The following RHOQ variants were observed in gnomAD, a reference collection of about 807,000 sequenced individuals.
The protein encoded by RHOQ is rho-related GTP-binding protein RhoQ.
A neutral mutation model predicts 25.8 loss-of-function variants in RHOQ; 7 were observed. The ratio of observed to expected loss-of-function variants is 0.27; its 90% CI spans 0.15 to 0.51. The LOEUF (loss-of-function observed/expected upper bound fraction) is 0.51. Among genes scored for constraint, RHOQ ranks in the 20% least tolerant of loss-of-function variants. The probability of loss-of-function intolerance (pLI) is 0.97; values close to 1 mark genes in which losing one functional copy is unlikely to be tolerated. For missense variants in RHOQ, 165 were observed against 260.6 expected, an observed-to-expected ratio of 0.63 and a Z score of 2.53; for synonymous variants, 97 against 98.6, an observed-to-expected ratio of 0.98 and a Z score of 0.10.
In RHOQ at chr2:46,578,388, A is replaced by G. The variant is rs143188360; in HGVS notation, c.462+1732A>G. ...GATGTTGGTCAAAGTGTACAGTGTT[A>G]GGAGGAATACATTTTTTGAGATAAC... On this transcript the variant is annotated intron_variant, in intron 4 of 4. Coordinates refer to ENST00000238738, the MANE Select transcript of RHOQ (RefSeq NM_012249.4). Among the ~76,000 whole-genome samples, 34 of 151,864 alleles carry G rather than the reference A, an allele frequency of 2.2e-4. 1 individual carries two copies. The highest frequency in any genetic ancestry group is 7.7e-4 in the African/African-American group (32 of 41,406).
At chr2:46,545,641 T>A (rs962094703) in intron 2 of RHOQ, among the ~76,000 whole-genome samples, 3 of 152,188 alleles carry the variant, frequency 2.0e-5, no homozygotes, top group African/African-American at 7.2e-5. Flanking sequence ...TGAGGGGTGT[T>A]GCTAGGATTG....
chr2:46,558,188 C>A lies in RHOQ; in HGVS notation c.201+14376C>A, dbSNP rs541407259. 3.9e-5 allele frequency among the ~76,000 whole-genome samples: 6 copies of A among 152,274 alleles called. No individual in the cohort carries two copies. In the South Asian group the frequency reaches 1.2e-3, roughly 32 times the overall value. On this transcript the variant is annotated intron_variant, in intron 2 of 4. Transcript: ENST00000238738. ...GCTGTAGCTGGGCTGGTGCCTCTTG[C>A]CTGCTGCACAGCTGTTATCCTGGGA...
In RHOQ at chr2:46,581,866, T is replaced by G. The variant is rs925143788; in HGVS notation, c.*783T>G. ...ACATGCTAAAATTACAAATTAAAAT[T>G]TTGGGTCAGACTTTGCCATAATGAT... On this transcript the variant is annotated 3_prime_UTR_variant, in exon 5 of 5. Transcript: ENST00000238738. 32 of 295,432 alleles carry G rather than the reference T, an allele frequency of 1.1e-4. No homozygotes were observed. The highest frequency in any genetic ancestry group is 1.7e-4 in the Non-Finnish European group (28 of 160,600). The allele number at this position is 295,432 out of a possible 1,614,324, so 18.3% of individuals were successfully genotyped here.
rs1042927553 is a variant in RHOQ, at chr2:46,584,578, T to A, written c.*3495T>A. On this transcript the variant is annotated 3_prime_UTR_variant, in exon 5 of 5. Coordinates refer to ENST00000238738, the MANE Select transcript of RHOQ (RefSeq NM_012249.4). The stretch of plus-strand genomic sequence containing the variant: ...TGCCAAAAATGAAATGTTAAAAAAT[T>A]TTGTCTAATGAAGGGTTACGGCTTG... Among the ~76,000 whole-genome samples, 18 of 152,190 alleles carry A rather than the reference T, an allele frequency of 1.2e-4. No individual in the cohort carries two copies. Among genetic ancestry groups the A allele is most frequent in the African/African-American group, 4.3e-4 (18 of 41,532 alleles).
At position 46,576,601 on chromosome 2, in the gene RHOQ, A is replaced by G. The variant is rs1223118092; in HGVS notation, c.407A>G (p.Asn136Ser). 3 of 1,611,492 alleles carry G rather than the reference A, an allele frequency of 1.9e-6. No individual in the cohort carries two copies. The highest frequency in any genetic ancestry group is 1.1e-5 in the South Asian group (1 of 90,696). Residue 136 changes from asparagine to serine, a missense_variant, in exon 4 of 5, where the codon AAT becomes AGT. Asn to Ser is a conservative substitution (Grantham distance 46, BLOSUM62 1). Coordinates refer to ENST00000238738, the MANE Select transcript of RHOQ (RefSeq NM_012249.4). The surrounding 1 kb of genome is among the most constrained non-coding windows in gnomAD (Gnocchi z 5.1). The part of the protein sequence containing the change: ...RDDPKTLARL[N>S]DMKEKPICVE... The stretch of plus-strand genomic sequence containing the variant: ...GACCCCAAAACTTTAGCAAGACTGA[A>G]TGATATGAAAGAAAAACCTATATGT...
chr2:46,543,286 C>T, intron 1 of RHOQ, 98 bp downstream of exon 1: 1 of 1,367,386 alleles, frequency 7.3e-7, no homozygotes, highest in Non-Finnish European at 1.0e-6. Context: ...AGAGCGCACT[C>T]CTCTCCCCTC....
At chr2:46,543,378 C>T in intron 1 of RHOQ, 190 bp downstream of exon 1, 1 of 629,034 alleles carries the variant, frequency 1.6e-6, no homozygotes, top group East Asian at 2.9e-5. Flanking sequence ...GATCCACCCC[C>T]TCTCCCACCC....
At position 46,566,670 on chromosome 2, in the gene RHOQ, C is replaced by T. The variant is rs1219298254; in HGVS notation, c.202-9417C>T. On this transcript the variant is annotated intron_variant, in intron 2 of 4. Transcript: ENST00000238738. The surrounding 1 kb of genome is among the most constrained non-coding windows in gnomAD (Gnocchi z 4.2). ...AATGACTTTCCATTGCAGGTGGGCC[C>T]TGCAGAGGGGTCCAAGCTGACTCCC... is the stretch of plus-strand genomic sequence containing the variant. Among the ~76,000 whole-genome samples the T allele has an allele frequency of 2.0e-5, 3 of 152,136 alleles. No homozygotes were observed. The highest frequency in any genetic ancestry group is 7.2e-5 in the African/African-American group (3 of 41,430).
At position 46,554,622 on chromosome 2, in the gene RHOQ, C is replaced by G. The variant is rs139026056; in HGVS notation, c.201+10810C>G. On this transcript the variant is annotated intron_variant, in intron 2 of 4. Transcript: ENST00000238738. The stretch of plus-strand genomic sequence containing the variant: ...GACGTCCTTTCTGTGTTAACATTCC[C>G]CAGGCGGGTCACAAGGAGTGGCTGA... Among the ~76,000 whole-genome samples, 8 of 152,204 alleles carry G rather than the reference C, an allele frequency of 5.3e-5. No homozygotes were observed. The East Asian group carries it at 1.5e-3, about 29-fold the overall frequency.
chr2:46,557,803 A>C (rs571822926), intron 2 of RHOQ, among the ~76,000 whole-genome samples: 1 of 152,214 alleles, frequency 6.6e-6, no homozygotes, highest in South Asian at 2.1e-4. Flanking sequence ...TTTGATAACA[A>C]ATATTCTCTG....
intron 2 of RHOQ, among the ~76,000 whole-genome samples, chr2:46,559,950 T>C (rs1668522305): frequency 6.6e-6 from 1 of 152,186 alleles, no homozygotes; most frequent in African/African-American, 2.4e-5. Flanking sequence ...GGGCCTGGTG[T>C]CTCCCATTCG....
chr2:46,542,592 G>T lies in RHOQ; in HGVS notation c.-455G>T, dbSNP rs1667847101. 1.4e-5 allele frequency: 2 copies of T among 146,808 alleles called. No individual in the cohort carries two copies. Among genetic ancestry groups the T allele is most frequent in the African/African-American group, 2.4e-5 (1 of 40,910 alleles). The allele number at this position is 146,808 out of a possible 1,614,324, so 9.1% of individuals were successfully genotyped here. On this transcript the variant is annotated 5_prime_UTR_variant, in exon 1 of 5. Transcript: ENST00000238738. ...CAGGCGGGGGCGCGTGGCGCGGGCCGCGCTCGGGGAGGCGCCTGGGCCCGC... is the reference window on the plus strand; with the variant it reads ...CAGGCGGGGGCGCGTGGCGCGGGCCTCGCTCGGGGAGGCGCCTGGGCCCGC...
chr2:46,546,480 A>ATG (rs1668059873), intron 2 of RHOQ, among the ~76,000 whole-genome samples: 5 of 15,448 alleles, frequency 3.2e-4, no homozygotes, highest in South Asian at 2.5e-3. Context: ...ATATGTGTAT[A>ATG]TATATATATA....
intron 2 of RHOQ, among the ~76,000 whole-genome samples, chr2:46,570,388 C>T (rs1421119175): frequency 2.6e-5 from 4 of 151,344 alleles, no homozygotes; most frequent in African/African-American, 7.3e-5. Context: ...GGCAGTGAGC[C>T]GAGATTGTGC....
In RHOQ at chr2:46,548,692, C is replaced by A. The variant is rs1056826413; in HGVS notation, c.201+4880C>A. Among the ~76,000 whole-genome samples, 2 of 152,164 alleles carry A rather than the reference C, an allele frequency of 1.3e-5. No homozygotes were observed. Among genetic ancestry groups the A allele is most frequent in the Non-Finnish European group, 2.9e-5 (2 of 68,024 alleles). ...CCTGGGAGGAGCCCCAGGGTTCCTT[C>A]CAGGCATCAGCTGCAACAGGTGAGA... On this transcript the variant is annotated intron_variant, in intron 2 of 4. Coordinates refer to ENST00000238738, the MANE Select transcript of RHOQ (RefSeq NM_012249.4). This position sits in a 1 kb window ranked among gnomAD's most constrained non-coding sequence, Gnocchi z 5.2.
intron 2 of RHOQ, among the ~76,000 whole-genome samples, chr2:46,544,380 A>C (rs773345814): frequency 9.2e-5 from 14 of 152,024 alleles, no homozygotes; most frequent in Non-Finnish European, 1.9e-4. Flanking sequence ...CCATGTAGCC[A>C]CTCCCTGGGG....
At position 46,552,132 on chromosome 2, in the gene RHOQ, G is replaced by C. The variant is rs1416112043; in HGVS notation, c.201+8320G>C. On this transcript the variant is annotated intron_variant, in intron 2 of 4. Transcript: ENST00000238738. This position sits in a 1 kb window ranked among gnomAD's most constrained non-coding sequence, Gnocchi z 5.0. ...AAGCGTATCGCTTTTCTAGCTAGAA[G>C]AGATGGTGGAACATTGTGTATAGGT... Among the ~76,000 whole-genome samples, 4 of 152,232 alleles carry C rather than the reference G, an allele frequency of 2.6e-5. No homozygotes were observed. The highest frequency in any genetic ancestry group is 9.7e-5 in the African/African-American group (4 of 41,444).
intron 2 of RHOQ, among the ~76,000 whole-genome samples, chr2:46,544,205 C>G (rs915772357): frequency 2.6e-5 from 4 of 152,264 alleles, no homozygotes; most frequent in African/African-American, 9.6e-5. Context: ...TCTGCCTGCC[C>G]AAGGAGCCTG....
chr2:46,544,390 G>A (rs1038313728), intron 2 of RHOQ, among the ~76,000 whole-genome samples: 1 of 152,238 alleles, frequency 6.6e-6, no homozygotes, highest in Admixed American at 6.5e-5. Flanking sequence ...ACTCCCTGGG[G>A]TGGGGAGGAA....
Sources: gnomAD v4.1 joint callset for allele counts (sites outside exome capture counted in the v4.1 genomes callset) on GRCh38, gnomAD v4.1.1 for gene constraint, Gnocchi (gnomAD v3.1) non-coding constraint, MANE v1.5 for transcripts, NCBI Gene and HGNC (gene_info 2026-07-23, HGNC 2026-07-21) for gene names.